Variants in SMARCC1 observed in about 807,000 individuals in gnomAD.
SMARCC1 encodes SWI/SNF complex subunit SMARCC1.
Under a neutral mutation model 147.4 loss-of-function variants are expected in SMARCC1, and 43 were observed. The observed-to-expected ratio is 0.29, with a 90% CI of 0.23 to 0.38. SMARCC1 has a LOEUF of 0.38. SMARCC1 is among the 10% of genes least tolerant of loss of function. The pLI is 1.00. For missense variants in SMARCC1, 1,119 were observed against 1,381.1 expected, an observed-to-expected ratio of 0.81 and a Z score of 3.01; for synonymous variants, 495 against 484.4, an observed-to-expected ratio of 1.02 and a Z score of -0.29.
chr3:47,769,159 C>T (rs953126647), intron 2 of SMARCC1, among the ~76,000 whole-genome samples: 3 of 132,034 alleles, frequency 2.3e-5, no homozygotes, highest in African/African-American at 8.5e-5. Context: ...TGCAGTGAGC[C>T]GAGATCGCAC....
intron 5 of SMARCC1, among the ~76,000 whole-genome samples, chr3:47,733,995 A>G (rs780666535): frequency 4.6e-5 from 7 of 151,986 alleles, no homozygotes; most frequent in African/African-American, 1.4e-4. Flanking sequence ...ATACATATGT[A>G]TGTATATCTA....
intron 11 of SMARCC1, among the ~76,000 whole-genome samples, chr3:47,696,077 A>AAG (rs2033848065): frequency 3.2e-4 from 8 of 25,158 alleles, no homozygotes; most frequent in Non-Finnish European, 1.1e-3. Context: ...AAAAAAAAAA[A>AAG]GGGGGGGGGG....
chr3:47,635,125 A>G, intron 24 of SMARCC1, 65 bp downstream of exon 24: 1 of 1,392,556 alleles, frequency 7.2e-7, no homozygotes, highest in Non-Finnish European at 1.0e-6. Flanking sequence ...GTTCCCAATT[A>G]ACTAAAAACA....
chr3:47,736,673 T>C (rs757443521), intron 4 of SMARCC1, among the ~76,000 whole-genome samples: 4 of 151,294 alleles, frequency 2.6e-5, no homozygotes, highest in African/African-American at 4.9e-5. Flanking sequence ...TGAGATTCCA[T>C]CTCAAAAAAT....
chr3:47,654,377 C>T (rs1234913312), intron 21 of SMARCC1, among the ~76,000 whole-genome samples: 1 of 152,090 alleles, frequency 6.6e-6, no homozygotes, highest in Admixed American at 6.5e-5. Flanking sequence ...ATTTCAGTCT[C>T]CATATAAGAA....
chr3:47,648,082 C>T (rs558434313), intron 21 of SMARCC1, among the ~76,000 whole-genome samples: 85 of 152,200 alleles, frequency 5.6e-4, no homozygotes, highest in Admixed American at 1.5e-3. Context: ...GCAGTCTTTG[C>T]CTCCTGGGTT....
chr3:47,716,903 A>T (rs889579564), intron 7 of SMARCC1, among the ~76,000 whole-genome samples: 1 of 152,202 alleles, frequency 6.6e-6, no homozygotes, highest in African/African-American at 2.4e-5. Flanking sequence ...TGAGCCCAGG[A>T]ATTTGAGGCC....
chr3:47,735,528 G>A (rs1232482552), intron 5 of SMARCC1, among the ~76,000 whole-genome samples: 4 of 152,066 alleles, frequency 2.6e-5, no homozygotes, highest in African/African-American at 4.8e-5. Flanking sequence ...CCAGCACTTT[G>A]GGAGGCTGAG....
intron 2 of SMARCC1, among the ~76,000 whole-genome samples, chr3:47,771,666 C>T (rs890881593): frequency 7.2e-5 from 11 of 152,130 alleles, no homozygotes; most frequent in Non-Finnish European, 1.2e-4. Flanking sequence ...ATCGCTTGAA[C>T]CCGGGAGGCA....
chr3:47,634,848 G>T (rs1053110044), intron 24 of SMARCC1, among the ~76,000 whole-genome samples: 4 of 152,190 alleles, frequency 2.6e-5, no homozygotes, highest in Non-Finnish European at 5.9e-5. Context: ...CAATCTGGTA[G>T]AAATTATTGG....
At chr3:47,650,298 A>ATTATT (rs1553679570) in intron 21 of SMARCC1, among the ~76,000 whole-genome samples, 13 of 141,060 alleles carry the variant, frequency 9.2e-5, no homozygotes, top group East Asian at 4.0e-4. Context: ...TAATAATAAT[A>ATTATT]ATTATTATTA....
At position 47,668,953 on chromosome 3, in the gene SMARCC1, G is replaced by C. The variant is rs114768666; in HGVS notation, c.1899+1705C>G. 1.7e-3 allele frequency among the ~76,000 whole-genome samples: 250 copies of C among 151,110 alleles called. 3 individuals carry two copies. The highest frequency in any genetic ancestry group is 5.9e-3 in the African/African-American group (243 of 41,214). The stretch of plus-strand genomic sequence containing the variant: ...CCCCAATGAGTCTACCAGATTTATC[G>C]ATTTATTAGAAAGAGACTATATTTG... On this transcript the variant is annotated intron_variant, in intron 19 of 27. Transcript: ENST00000254480.
At chr3:47,620,728 A>G (rs1170850346) in intron 25 of SMARCC1, among the ~76,000 whole-genome samples, 1 of 152,174 alleles carries the variant, frequency 6.6e-6, no homozygotes, top group African/African-American at 2.4e-5. Flanking sequence ...CATTCAGTAT[A>G]GGAGAGGGAA....
chr3:47,780,804 T>C (rs2035037560), intron 1 of SMARCC1, among the ~76,000 whole-genome samples: 1 of 151,742 alleles, frequency 6.6e-6, no homozygotes, highest in Admixed American at 6.6e-5. Context: ...GGAGTCCTCC[T>C]GAATATTTAC....
chr3:47,705,102 T>C (rs1440366086), intron 10 of SMARCC1, among the ~76,000 whole-genome samples: 1 of 151,312 alleles, frequency 6.6e-6, no homozygotes. Context: ...GGCAGGTGGA[T>C]CACGAGGTCA....
intron 6 of SMARCC1, among the ~76,000 whole-genome samples, chr3:47,727,423 C>T (rs2034312222): frequency 6.6e-6 from 1 of 151,890 alleles, no homozygotes; most frequent in African/African-American, 2.4e-5. Flanking sequence ...AGGAGAATCA[C>T]TTGAACCCAG....
chr3:47,760,706 A>T (rs1430188381), intron 2 of SMARCC1, among the ~76,000 whole-genome samples: 1 of 152,114 alleles, frequency 6.6e-6, no homozygotes, highest in Non-Finnish European at 1.5e-5. Flanking sequence ...AACAAACGTC[A>T]ATCAGCTGTG....
At chr3:47,758,934 T>C (rs1204899326) in intron 2 of SMARCC1, among the ~76,000 whole-genome samples, 1 of 151,616 alleles carries the variant, frequency 6.6e-6, no homozygotes, top group African/African-American at 2.4e-5. Context: ...GGAGAATCAC[T>C]TGAACCAGGG....
At chr3:47,591,281 C>T (rs1320124495) in intron 26 of SMARCC1, among the ~76,000 whole-genome samples, 1 of 152,050 alleles carries the variant, frequency 6.6e-6, no homozygotes, top group East Asian at 1.9e-4. Context: ...TGCTCCATGG[C>T]TTACAGGGAA....
Sources: gnomAD v4.1 joint callset for allele counts (sites outside exome capture counted in the v4.1 genomes callset) on GRCh38, gnomAD v4.1.1 for gene constraint, MANE v1.5 for transcripts, NCBI Gene and HGNC (gene_info 2026-07-23, HGNC 2026-07-21) for gene names.